ASRGL1: variants seen among roughly 807,000 people sequenced by gnomAD.
The protein encoded by ASRGL1 is isoaspartyl peptidase/L-asparaginase.
ASRGL1 carries 16 observed loss-of-function variants against 22.4 expected under a neutral mutation model. The ratio of observed to expected loss-of-function variants is 0.71; its 90% CI spans 0.48 to 1.08. ASRGL1 has a LOEUF of 1.08. Among genes scored for constraint, ASRGL1 ranks in the 50% least tolerant of loss-of-function variants. The pLI is 0.00. For synonymous variants in ASRGL1, 165 were observed against 159.3 expected (o/e 1.04, Z -0.27); for missense variants, 412 against 410.1 (o/e 1.00, Z -0.04).
intron 4 of ASRGL1, among the ~76,000 whole-genome samples, chr11:62,384,982 A>G (rs1295757279): frequency 6.8e-6 from 1 of 146,778 alleles, no homozygotes; most frequent in Non-Finnish European, 1.5e-5. Context: ...CCGATTTTTC[A>G]AGATACATTT....
intron 5 of ASRGL1, 63 bp from the exon 6 acceptor site, chr11:62,391,459 C>T (rs1200380370): frequency 6.5e-7 from 1 of 1,542,488 alleles, no homozygotes; most frequent in Admixed American, 2.0e-5. Context: ...TAGCGTCCGA[C>T]TTCTAATATG....
intron 2 of ASRGL1, among the ~76,000 whole-genome samples, chr11:62,344,181 C>G (rs1945951175): frequency 6.6e-6 from 1 of 152,084 alleles, no homozygotes; most frequent in East Asian, 1.9e-4. Flanking sequence ...CAGGTGTGAG[C>G]CACTGCGCTT....
intron 2 of ASRGL1, among the ~76,000 whole-genome samples, chr11:62,351,832 C>G (rs1946174194): frequency 6.6e-6 from 1 of 152,054 alleles, no homozygotes; most frequent in Admixed American, 6.6e-5. Flanking sequence ...CACCACCACA[C>G]CCAGCTAATT....
At chr11:62,398,455 G>A in the ASRGL1 span, among the ~76,000 whole-genome samples, 1 of 152,180 alleles carries the variant, frequency 6.6e-6, no homozygotes, top group East Asian at 1.9e-4. Context: ...ATTACCCCAG[G>A]TGGAGGCCAC....
chr11:62,355,235 T>C (rs535503163), intron 2 of ASRGL1, among the ~76,000 whole-genome samples: 125 of 134,582 alleles, frequency 9.3e-4, no homozygotes, highest in Non-Finnish European at 1.4e-3. Context: ...ATTTCTCTCT[T>C]TTTTTTTTGA....
At chr11:62,391,759 G>A (rs1273320347) in intron 6 of ASRGL1, 127 bp downstream of exon 6, 13 of 1,236,948 alleles carry the variant, frequency 1.1e-5, no homozygotes, top group Admixed American at 2.7e-5. Context: ...CTTTCAGGCC[G>A]TTAACACCTT....
chr11:62,342,001 T>A (rs2513053), intron 2 of ASRGL1, among the ~76,000 whole-genome samples: 129,097 of 152,202 alleles, frequency 0.85, 55,287 homozygotes, highest in East Asian at 1. Flanking sequence ...TATTTTTTGT[T>A]GAAAGGGTAC....
intron 4 of ASRGL1, chr11:62,373,189 T>C (rs572118742): frequency 9.9e-7 from 1 of 1,005,836 alleles, no homozygotes; most frequent in Non-Finnish European, 1.6e-6. Context: ...TCCCAGAGAC[T>C]CCTCCGACTC....
downstream of ASRGL1, among the ~76,000 whole-genome samples, chr11:62,396,620 C>A (rs1049041974): frequency 1.3e-5 from 2 of 152,114 alleles, no homozygotes; most frequent in East Asian, 1.9e-4. Flanking sequence ...GGGCCCCAGG[C>A]GAAAAGCAAG....
intron 2 of ASRGL1, among the ~76,000 whole-genome samples, chr11:62,351,184 T>C (rs898975528): frequency 6.6e-6 from 1 of 152,184 alleles, no homozygotes; most frequent in Non-Finnish European, 1.5e-5. Flanking sequence ...CTGCTGATCA[T>C]ATAATTGTCT....
chr11:62,359,401 G>A (rs199623786), intron 4 of ASRGL1, among the ~76,000 whole-genome samples: 158 of 151,914 alleles, frequency 1.0e-3, no homozygotes, highest in African/African-American at 3.7e-3. Context: ...AGCCAAGATC[G>A]CGCCATTGCA....
intron 4 of ASRGL1, among the ~76,000 whole-genome samples, chr11:62,380,205 G>A (rs148619450): frequency 0.016 from 2,401 of 152,218 alleles, 32 homozygotes; most frequent in Non-Finnish European, 0.026. Flanking sequence ...ATCTGATCCT[G>A]TGGGAACCTT....
intron 4 of ASRGL1, among the ~76,000 whole-genome samples, chr11:62,359,102 C>T (rs1005342602): frequency 1.3e-5 from 2 of 152,140 alleles, no homozygotes; most frequent in African/African-American, 2.4e-5. Flanking sequence ...AGAAGTTGCA[C>T]ATGGGGACTG....
intron 2 of ASRGL1, among the ~76,000 whole-genome samples, chr11:62,347,830 G>A (rs1354207641): frequency 6.6e-6 from 1 of 152,166 alleles, no homozygotes; most frequent in Non-Finnish European, 1.5e-5. Context: ...GGGAGGCTGA[G>A]ACAGGAGAAT....
intron 4 of ASRGL1, among the ~76,000 whole-genome samples, chr11:62,369,300 A>C (rs906728947): frequency 6.6e-6 from 1 of 152,118 alleles, no homozygotes; most frequent in Non-Finnish European, 1.5e-5. Flanking sequence ...AACACAGCAC[A>C]TGTCTCTGCG....
Position 62,337,870 on chromosome 11 carries a change from A to T in ASRGL1, c.-88-20A>T. The T allele has an allele frequency of 1.1e-5, 13 of 1,230,400 alleles. No homozygotes were observed. The South Asian group carries it at 1.9e-4, about 18-fold the overall frequency. The allele number at this position is 1,230,400 out of a possible 1,614,324, so 76.2% of individuals were successfully genotyped here. A position where few individuals can be genotyped will look rare whatever the true frequency, so the allele number is the denominator to read the frequency against. On this transcript the variant is annotated intron_variant, in intron 1 of 6. Coordinates refer to ENST00000415229, the MANE Select transcript of ASRGL1 (RefSeq NM_001083926.2). ...GCGAACCCAGCCGTTCAGAACAGAG[A>T]CTGGGCATTGTCCCCACAGGGTCTC...
Position 62,350,035 on chromosome 11 carries a change from C to T in ASRGL1, c.191-6290C>T, listed in dbSNP as rs111651427. 5.1e-3 allele frequency among the ~76,000 whole-genome samples: 779 copies of T among 152,272 alleles called. 2 individuals are homozygous for T. The highest frequency in any genetic ancestry group is 0.015 in the African/African-American group (618 of 41,558). On this transcript the variant is annotated intron_variant, in intron 2 of 6. Coordinates refer to ENST00000415229, the MANE Select transcript of ASRGL1 (RefSeq NM_001083926.2). ...GTTTTATCAGCAAGGTCTTTACGAC[C>T]TGTATCTTGTGCTGACCTTGTGTCT... is the stretch of plus-strand genomic sequence containing the variant.
chr11:62,375,395 A>G (rs543382890), intron 4 of ASRGL1, among the ~76,000 whole-genome samples: 50 of 130,452 alleles, frequency 3.8e-4, no homozygotes, highest in Non-Finnish European at 7.6e-4. Flanking sequence ...ATTTGGTTGA[A>G]GGTGCCTGGT....
intron 4 of ASRGL1, among the ~76,000 whole-genome samples, chr11:62,369,314 CAG>C (rs1946701234): frequency 6.6e-6 from 1 of 152,120 alleles, no homozygotes; most frequent in South Asian, 2.1e-4. Context: ...CTCTGCGACA[CAG>C]GGTTGGGGCT....
Sources: gnomAD v4.1 joint callset for allele counts (sites outside exome capture counted in the v4.1 genomes callset) on GRCh38, gnomAD v4.1.1 for gene constraint, MANE v1.5 for transcripts, NCBI Gene and HGNC (gene_info 2026-07-23, HGNC 2026-07-21) for gene names.